NR1H4: variants seen among roughly 807,000 people sequenced by gnomAD.
NR1H4 encodes the protein bile acid receptor.
In NR1H4, 23 loss-of-function variants were observed where a neutral mutation model predicts 58.5. That is an observed-to-expected ratio of 0.39 (90% CI 0.28 to 0.56). The LOEUF is 0.56. Ranked by LOEUF, NR1H4 falls within the 20% of genes least tolerant of loss-of-function variation. The pLI, the probability that NR1H4 is intolerant of heterozygous loss-of-function variation, is 0.58. For missense variants in NR1H4, 487 were observed against 576.9 expected (o/e 0.84, Z 1.60); for synonymous variants, 214 against 198.0 (o/e 1.08, Z -0.68).
chr12:100,494,845 C>G (rs1021814599), intron 3 of NR1H4, among the ~76,000 whole-genome samples: 6 of 152,162 alleles, frequency 3.9e-5, no homozygotes, highest in Non-Finnish European at 7.4e-5. Context: ...TTTTTTCAAA[C>G]AGAAACTTCC....
chr12:100,510,627 A>G (rs566653578), intron 3 of NR1H4, 151 bp from the exon 4 acceptor site: 11 of 374,814 alleles, frequency 2.9e-5, no homozygotes, highest in African/African-American at 1.9e-4. Flanking sequence ...ATATATATAT[A>G]TATATATACT....
At chr12:100,563,226 C>T (rs776796492) in intron 10 of NR1H4, 25 bp from the exon 11 acceptor site, 2 of 1,548,458 alleles carry the variant, frequency 1.3e-6, no homozygotes, top group African/African-American at 2.7e-5. Context: ...TTAATTTTGT[C>T]ATTTTATTTT....
chr12:100,549,391 GAA>G lies in NR1H4; in HGVS notation c.1078+8577_1078+8578del, dbSNP rs371928706. 3.3e-3 allele frequency among the ~76,000 whole-genome samples: 501 copies of G among 152,074 alleles called. 5 individuals carry two copies. The highest frequency in any genetic ancestry group is 6.8e-3 in the Middle Eastern group (2 of 294). On this transcript the variant is annotated intron_variant, in intron 9 of 10. Coordinates refer to ENST00000392986, the MANE Select transcript of NR1H4 (RefSeq NM_001206979.2). ...TCCAGCAAGTAGGGAGGGCAAAGGG[GAA>G]AAAGAATGGCACACCTTCCCTGTAA...
intron 3 of NR1H4, among the ~76,000 whole-genome samples, chr12:100,502,482 T>G (rs1335841757): frequency 6.6e-6 from 1 of 152,186 alleles, no homozygotes; most frequent in Non-Finnish European, 1.5e-5. Flanking sequence ...CTTCCCTCTC[T>G]GTGTTTCTGT....
intron 1 of NR1H4, among the ~76,000 whole-genome samples, chr12:100,481,883 C>T (rs538960366): frequency 6.6e-6 from 1 of 152,036 alleles, no homozygotes; most frequent in South Asian, 2.1e-4. Flanking sequence ...CACTGCACTC[C>T]AGCCTGGGTG....
At chr12:100,556,973 T>C (rs1392783120) in intron 9 of NR1H4, among the ~76,000 whole-genome samples, 1 of 152,256 alleles carries the variant, frequency 6.6e-6, no homozygotes, top group Non-Finnish European at 1.5e-5. Flanking sequence ...GAGAGCTGTG[T>C]CCATGCATGT....
intron 3 of NR1H4, among the ~76,000 whole-genome samples, chr12:100,497,991 T>G (rs1202757257): frequency 6.6e-6 from 1 of 152,188 alleles, no homozygotes; most frequent in Admixed American, 6.5e-5. Flanking sequence ...CAGTGATTCC[T>G]GATTCACTTA....
rs189922649 is a variant in NR1H4, at chr12:100,506,103, T to A, written c.80-4675T>A. Among the ~76,000 whole-genome samples the A allele has an allele frequency of 1.4e-3, 209 of 152,156 alleles. 1 individual carries two copies. Among genetic ancestry groups the A allele is most frequent in the Middle Eastern group, 6.8e-3 (2 of 294 alleles). On this transcript the variant is annotated intron_variant, in intron 3 of 10. Transcript: ENST00000392986. ...ATAATAATTTGTAATGAAAGAACTATCCTAATACTTATATCATCAAGACAG... is the reference window on the plus strand; with the variant it reads ...ATAATAATTTGTAATGAAAGAACTAACCTAATACTTATATCATCAAGACAG...
At chr12:100,503,635 G>C in intron 3 of NR1H4, 1 of 818,134 alleles carries the variant, frequency 1.2e-6, no homozygotes, top group Non-Finnish European at 1.8e-6. Flanking sequence ...ACTGGAATGA[G>C]AGTTTGGGTT....
intron 3 of NR1H4, among the ~76,000 whole-genome samples, chr12:100,497,241 C>T (rs1019693588): frequency 5.3e-5 from 8 of 152,092 alleles, no homozygotes; most frequent in South Asian, 2.1e-4. Flanking sequence ...ATTAATTCCC[C>T]GCACTTCTGG....
intron 9 of NR1H4, among the ~76,000 whole-genome samples, chr12:100,550,246 A>G (rs1476567534): frequency 6.6e-6 from 1 of 152,176 alleles, no homozygotes; most frequent in Non-Finnish European, 1.5e-5. Flanking sequence ...CTAATGTACC[A>G]TTACTTACAA....
chr12:100,516,612 C>T (rs375198312), intron 4 of NR1H4, among the ~76,000 whole-genome samples: 8 of 152,152 alleles, frequency 5.3e-5, no homozygotes, highest in African/African-American at 1.4e-4. Flanking sequence ...GTGATCCGCC[C>T]GCCTCGGCCT....
chr12:100,539,699 T>C (rs575717365), intron 8 of NR1H4, among the ~76,000 whole-genome samples: 8 of 152,228 alleles, frequency 5.3e-5, no homozygotes, highest in African/African-American at 1.9e-4. Flanking sequence ...GATACAAAAG[T>C]AAAGAAAAAC....
chr12:100,474,120 T>C (rs1379113393), intron 1 of NR1H4, 61 bp downstream of exon 1: 1 of 152,136 alleles, frequency 6.6e-6, no homozygotes, highest in East Asian at 1.9e-4. Context: ...GAAAAAATAG[T>C]CACTTAAAAG....
intron 9 of NR1H4, among the ~76,000 whole-genome samples, chr12:100,550,218 G>C (rs1260177700): frequency 6.6e-6 from 1 of 152,046 alleles, no homozygotes; most frequent in Non-Finnish European, 1.5e-5. Context: ...CAATTCTAGT[G>C]CATCATTGAT....
chr12:100,489,632 T>C (rs1953565706), intron 1 of NR1H4, among the ~76,000 whole-genome samples: 1 of 152,200 alleles, frequency 6.6e-6, no homozygotes, highest in South Asian at 2.1e-4. Context: ...GGCAATAGTT[T>C]ACCAACTCTG....
At chr12:100,534,775 T>C in intron 5 of NR1H4, 115 bp from the exon 6 acceptor site, 3 of 1,183,180 alleles carry the variant, frequency 2.5e-6, no homozygotes, top group Non-Finnish European at 2.5e-6. Flanking sequence ...CTAGCGTTAG[T>C]TCTGTGCCAT....
intron 1 of NR1H4, among the ~76,000 whole-genome samples, chr12:100,486,907 C>T (rs1443494177): frequency 1.3e-5 from 2 of 151,836 alleles, no homozygotes; most frequent in East Asian, 3.9e-4. Context: ...CAATGCAAAA[C>T]TTTTTAGGTA....
chr12:100,547,878 G>T (rs1289240096), intron 9 of NR1H4, among the ~76,000 whole-genome samples: 1 of 151,156 alleles, frequency 6.6e-6, no homozygotes, highest in South Asian at 2.1e-4. Context: ...GTGCCCCCAT[G>T]CTTGGCTAAT....
Sources: gnomAD v4.1 joint callset for allele counts (sites outside exome capture counted in the v4.1 genomes callset) on GRCh38, gnomAD v4.1.1 for gene constraint, MANE v1.5 for transcripts, NCBI Gene and HGNC (gene_info 2026-07-23, HGNC 2026-07-21) for gene names.